Variants in NT5C3A observed in about 807,000 individuals in gnomAD.
NT5C3A encodes 5'-nucleotidase, cytosolic IIIA.
NT5C3A carries 23 observed loss-of-function variants against 40.0 expected under a neutral mutation model. The observed-to-expected ratio is 0.58, with a 90% CI of 0.41 to 0.81. The LOEUF is 0.81. Among genes scored for constraint, NT5C3A ranks in the 40% least tolerant of loss-of-function variants. NT5C3A has a pLI of 0.00. For missense variants in NT5C3A, 328 were observed against 403.0 expected, an observed-to-expected ratio of 0.81 and a Z score of 1.59; for synonymous variants, 130 against 141.4, an observed-to-expected ratio of 0.92 and a Z score of 0.57.
Position 33,026,353 on chromosome 7 carries a change from G to GAAAA in NT5C3A, c.237+460_237+463dup, listed in dbSNP as rs1226260693. 3.0e-3 allele frequency among the ~76,000 whole-genome samples: 286 copies of GAAAA among 94,152 alleles called. 18 individuals are homozygous for GAAAA. Among genetic ancestry groups the GAAAA allele is most frequent in the East Asian group, 0.012 (35 of 2,814 alleles). 61.8% of individuals were successfully genotyped at this position (94,152 alleles called of 152,430 possible). ...AACAGAGCGAGACTCCATCTCAAAA[G>GAAAA]AAAAAAAAAAAAAAAAAAAAGAAGC... On this transcript the variant is annotated intron_variant, in intron 2 of 8. Transcript: ENST00000610140.
chr7:33,035,676 A>T (rs566443622), intron 1 of NT5C3A, among the ~76,000 whole-genome samples: 1 of 152,380 alleles, frequency 6.6e-6, no homozygotes, highest in African/African-American at 2.4e-5. Flanking sequence ...TGCTGAGCAA[A>T]GAAAATTTAG....
rs1267079916 is a variant in NT5C3A at position 33,021,332 on chromosome 7, T to C, written c.380A>G (p.Tyr127Cys). The C allele has an allele frequency of 1.9e-6, 3 of 1,611,928 alleles. No homozygotes were observed. Among genetic ancestry groups the C allele is most frequent in the Admixed American group, 1.7e-5 (1 of 59,958 alleles). ...AAGAACAGGATCAACTTCAATAGCG[T>C]AATATTTTTCCTTTAGTTGCAATAA... ...KKLLQLKEKY[Y>C]AIEVDPVLTV... Residue 127 changes from tyrosine (Y) to cysteine (C), a missense_variant, in exon 5 of 9, where the codon TAC becomes TGC. By Grantham distance (194) the Tyr-to-Cys change is radical. This residue lies in a region of NT5C3A where 280 missense variants were observed against 317.2 expected (regional missense o/e 0.88). Coordinates refer to ENST00000610140, the MANE Select transcript of NT5C3A (RefSeq NM_001002010.5).
chr7:33,051,516 T>C (rs1355489816), intron 1 of NT5C3A, among the ~76,000 whole-genome samples: 2 of 152,090 alleles, frequency 1.3e-5, no homozygotes, highest in African/African-American at 4.8e-5. Flanking sequence ...CTATTTAACA[T>C]AAAATACACA....
At chr7:33,036,969 G>A (rs1025022220) in intron 1 of NT5C3A, among the ~76,000 whole-genome samples, 13 of 151,974 alleles carry the variant, frequency 8.6e-5, no homozygotes, top group East Asian at 1.9e-4. Flanking sequence ...ATGCCGCCAC[G>A]CCTGGTTAAT....
At chr7:33,031,845 C>T (rs1786276812) in intron 1 of NT5C3A, among the ~76,000 whole-genome samples, 2 of 152,064 alleles carry the variant, frequency 1.3e-5, no homozygotes, top group African/African-American at 4.8e-5. Flanking sequence ...TTATTTTTGG[C>T]CGGGCACGGT....
chr7:33,026,946 T>C lies in NT5C3A; in HGVS notation c.139-31A>G, dbSNP rs575598500. The stretch of plus-strand genomic sequence containing the variant: ...AGTAAAAGAAAATTAATTAATTAGT[T>C]TTCATTCTTCTTTCCCCAGGTTCCT... On this transcript the variant is annotated intron_variant, in intron 1 of 8. Transcript: ENST00000610140. 7.5e-6 allele frequency: 11 copies of C among 1,466,406 alleles called. No individual in the cohort carries two copies. The Admixed American group carries it at 1.9e-4, about 25-fold the overall frequency. 90.8% of individuals were successfully genotyped at this position (1,466,406 alleles called of 1,614,324 possible). A position where few individuals can be genotyped will look rare whatever the true frequency, so the allele number is the denominator to read the frequency against.
intron 1 of NT5C3A, among the ~76,000 whole-genome samples, chr7:33,048,311 C>G (rs990426580): frequency 6.6e-5 from 10 of 151,974 alleles, no homozygotes; most frequent in African/African-American, 2.4e-4. Context: ...TCCCAACGTG[C>G]TGGGATTACA....
chr7:33,032,596 C>T (rs67595817), intron 1 of NT5C3A, among the ~76,000 whole-genome samples: 1 of 150,956 alleles, frequency 6.6e-6, no homozygotes, highest in African/African-American at 2.4e-5. Context: ...ACTGGGACTA[C>T]AGGGGCTCAC....
intron 3 of NT5C3A, among the ~76,000 whole-genome samples, chr7:33,022,740 A>G (rs76980936): frequency 1.9e-3 from 284 of 152,334 alleles, no homozygotes; most frequent in African/African-American, 6.5e-3. Context: ...AATAATTTAT[A>G]TCATTTCTGC....
chr7:33,051,291 G>A (rs1787360180), intron 1 of NT5C3A, among the ~76,000 whole-genome samples: 2 of 151,986 alleles, frequency 1.3e-5, no homozygotes, highest in African/African-American at 2.4e-5. Flanking sequence ...AGCCTCTTGG[G>A]TAGCAGGGAT....
intron 5 of NT5C3A, among the ~76,000 whole-genome samples, chr7:33,021,035 A>C (rs1012478969): frequency 6.6e-6 from 1 of 152,210 alleles, no homozygotes; most frequent in East Asian, 1.9e-4. Flanking sequence ...TGAGACTTAA[A>C]TGCAGGACTT....
intron 1 of NT5C3A, among the ~76,000 whole-genome samples, chr7:33,044,936 C>T (rs1455210327): frequency 6.6e-6 from 1 of 152,142 alleles, no homozygotes. Context: ...TTAAAAGTTG[C>T]ATGTAAAAGA....
chr7:33,048,314 G>A (rs1398944245), intron 1 of NT5C3A, among the ~76,000 whole-genome samples: 1 of 151,778 alleles, frequency 6.6e-6, no homozygotes, highest in Non-Finnish European at 1.5e-5. Context: ...CAACGTGCTG[G>A]GATTACAGGT....
intron 1 of NT5C3A, among the ~76,000 whole-genome samples, chr7:33,057,615 T>C (rs902622131): frequency 6.6e-6 from 1 of 152,186 alleles, no homozygotes; most frequent in Non-Finnish European, 1.5e-5. Context: ...ACTTAAGTAA[T>C]AGTTGACATT....
chr7:33,043,519 G>A (rs924007531), intron 1 of NT5C3A, among the ~76,000 whole-genome samples: 1 of 152,140 alleles, frequency 6.6e-6, no homozygotes, highest in Non-Finnish European at 1.5e-5. Flanking sequence ...GTTTCTAATG[G>A]AGACACAGAA....
chr7:33,029,609 G>C (rs1209259307), intron 1 of NT5C3A: 3 of 1,236,862 alleles, frequency 2.4e-6, no homozygotes, highest in Admixed American at 2.3e-5. Flanking sequence ...TTTGATTTCA[G>C]TGTACCCAAG....
Position 33,014,975 on chromosome 7 carries a change from T to C in NT5C3A, c.895-144A>G. 3 of 772,110 alleles carry C rather than the reference T, an allele frequency of 3.9e-6. No individual in the cohort carries two copies. In the South Asian group the frequency reaches 5.0e-5, roughly 13 times the overall value. 47.8% of individuals were successfully genotyped at this position (772,110 alleles called of 1,614,324 possible). ...AAAATCTTTGAAATGAAGAAATATT[T>C]TCAAATCCTTAAGACCCACTGACAG... is the stretch of plus-strand genomic sequence containing the variant. On this transcript the variant is annotated intron_variant, in intron 8 of 8. Coordinates refer to ENST00000610140, the MANE Select transcript of NT5C3A (RefSeq NM_001002010.5).
intron 1 of NT5C3A, among the ~76,000 whole-genome samples, chr7:33,039,131 T>A (rs1375852540): frequency 2.6e-5 from 4 of 152,170 alleles, no homozygotes; most frequent in Non-Finnish European, 5.9e-5. Flanking sequence ...AACACAAACT[T>A]GATAACTGAA....
chr7:33,017,447 C>A lies in NT5C3A; in HGVS notation c.685G>T (p.Asp229Tyr). 4 of 1,607,990 alleles carry A rather than the reference C, an allele frequency of 2.5e-6. No homozygotes were observed. The highest frequency in any genetic ancestry group is 3.4e-6 in the Non-Finnish European group (4 of 1,174,924). ...CGATTTGATATTCTTACAGTTTCAT[C>A]AAAATCCATAAAATTGGACACAACT... Reference protein sequence around the residue: ...VKVVSNFMDFDETGVLKGFKG... With the variant: ...VKVVSNFMDFYETGVLKGFKG... The change falls in exon 7 of 9, where the codon GAT becomes TAT. Residue 229 changes from aspartate to tyrosine, a missense_variant. By Grantham distance (160) the Asp-to-Tyr change is radical. This residue lies in a region of NT5C3A where 280 missense variants were observed against 317.2 expected (regional missense o/e 0.88). Coordinates refer to ENST00000610140, the MANE Select transcript of NT5C3A (RefSeq NM_001002010.5).
Sources: allele counts gnomAD v4.1 joint callset (sites outside exome capture counted in the v4.1 genomes callset), GRCh38; gene constraint gnomAD v4.1.1; regional missense constraint gnomAD v4.1.1; transcripts MANE v1.5; gene names NCBI Gene and HGNC (gene_info 2026-07-23, HGNC 2026-07-21).